NMNAT2: variants seen among roughly 807,000 people sequenced by gnomAD.
The protein encoded by NMNAT2 is nicotinamide/nicotinic acid mononucleotide adenylyltransferase 2.
In NMNAT2, 11 loss-of-function variants were observed where a neutral mutation model predicts 41.6. The ratio of observed to expected loss-of-function variants is 0.26; its 90% CI spans 0.17 to 0.44. The LOEUF (loss-of-function observed/expected upper bound fraction) is 0.44, where lower values mean the gene tolerates loss of function less well. Among genes scored for constraint, NMNAT2 ranks in the 20% least tolerant of loss-of-function variants. NMNAT2 has a pLI of 1.00. For synonymous variants in NMNAT2, 148 were observed against 151.2 expected (o/e 0.98, Z 0.16); for missense variants, 288 against 407.7 (o/e 0.71, Z 2.53).
intron 1 of NMNAT2, among the ~76,000 whole-genome samples, chr1:183,294,663 G>A (rs1661634738): frequency 6.6e-6 from 1 of 152,146 alleles, no homozygotes; most frequent in South Asian, 2.1e-4. Context: ...GGTGGCAGGC[G>A]CCTGTAATCC....
chr1:183,397,474 G>C (rs1360981631), intron 1 of NMNAT2, among the ~76,000 whole-genome samples: 1 of 152,176 alleles, frequency 6.6e-6, no homozygotes, highest in Non-Finnish European at 1.5e-5. Flanking sequence ...ATGGAACCAA[G>C]TTGGAAAACA....
At chr1:183,345,601 G>GC (rs928361008) in intron 1 of NMNAT2, among the ~76,000 whole-genome samples, 8 of 152,130 alleles carry the variant, frequency 5.3e-5, no homozygotes, top group East Asian at 3.9e-4. Flanking sequence ...CTTCACAGAG[G>GC]CCCCCCAGCA....
At chr1:183,309,725 T>A (rs988533867) in intron 1 of NMNAT2, among the ~76,000 whole-genome samples, 1 of 152,244 alleles carries the variant, frequency 6.6e-6, no homozygotes, top group African/African-American at 2.4e-5. Flanking sequence ...ATGGCAGCAC[T>A]GTCCCCCCAA....
At position 183,250,730 on chromosome 1, in the gene NMNAT2, G is replaced by C. The variant is rs1174985864; in HGVS notation, c.*1911C>G. 2.6e-5 allele frequency: 4 copies of C among 152,530 alleles called. No homozygotes were observed. The highest frequency in any genetic ancestry group is 4.4e-5 in the Non-Finnish European group (3 of 68,008). The allele number at this position is 152,530 out of a possible 1,614,324, so 9.4% of individuals were successfully genotyped here. A position where few individuals can be genotyped will look rare whatever the true frequency, so the allele number is the denominator to read the frequency against. On this transcript the variant is annotated 3_prime_UTR_variant, in exon 11 of 11. Transcript: ENST00000287713. Reference sequence around the variant, plus strand: ...AGTCAAACACTGATACCCCAAAATAGGATTTTCCTTCCTTCCTCTGAAGAT... The same window carrying C: ...AGTCAAACACTGATACCCCAAAATACGATTTTCCTTCCTTCCTCTGAAGAT...
chr1:183,304,965 T>A, intron 1 of NMNAT2: 1 of 1,057,430 alleles, frequency 9.5e-7, no homozygotes, highest in Non-Finnish European at 1.3e-6. Context: ...ACCTCTCATA[T>A]GCTCCCGCTT....
Position 183,252,405 on chromosome 1 carries a change from T to C in NMNAT2, c.*236A>G. ...CTCCAAGGACTGCACTTCCCCCGAC[T>C]CCCACCCCATTCCCTCACCCACCCC... On this transcript the variant is annotated 3_prime_UTR_variant, in exon 11 of 11. Transcript: ENST00000287713. 1 of 486,492 alleles carries C rather than the reference T, an allele frequency of 2.1e-6. No individual in the cohort carries two copies. The highest frequency in any genetic ancestry group is 3.3e-5 in the Admixed American group (1 of 30,282). 30.1% of individuals were successfully genotyped at this position (486,492 alleles called of 1,614,324 possible).
chr1:183,290,357 ACT>A (rs1282030146), intron 3 of NMNAT2, 151 bp from the exon 4 acceptor site: 2 of 591,382 alleles, frequency 3.4e-6, no homozygotes, highest in Non-Finnish European at 3.0e-6. Flanking sequence ...GGTGTGAAAC[ACT>A]CTTCTGAGCT....
chr1:183,320,912 A>G (rs1662344272), intron 1 of NMNAT2, among the ~76,000 whole-genome samples: 3 of 152,228 alleles, frequency 2.0e-5, no homozygotes, highest in Admixed American at 2.0e-4. Flanking sequence ...GAGAGAAGTC[A>G]TCCCTTTTTA....
intron 1 of NMNAT2, among the ~76,000 whole-genome samples, chr1:183,318,525 G>A (rs563873294): frequency 1.3e-5 from 2 of 152,288 alleles, no homozygotes; most frequent in African/African-American, 4.8e-5. Flanking sequence ...CCTTGAGAAA[G>A]GAAATCCCCC....
At chr1:183,397,381 T>C (rs568032890) in intron 1 of NMNAT2, among the ~76,000 whole-genome samples, 2 of 152,128 alleles carry the variant, frequency 1.3e-5, no homozygotes, top group East Asian at 3.9e-4. Context: ...TAAAAAGAAA[T>C]GAACAAAGCC....
intron 1 of NMNAT2, among the ~76,000 whole-genome samples, chr1:183,306,990 G>A (rs1382536411): frequency 6.6e-6 from 1 of 152,120 alleles, no homozygotes; most frequent in Non-Finnish European, 1.5e-5. Flanking sequence ...TCTATTTCAT[G>A]AGGAAGTGCA....
At chr1:183,302,166 T>G (rs1477925798) in intron 1 of NMNAT2, among the ~76,000 whole-genome samples, 1 of 152,168 alleles carries the variant, frequency 6.6e-6, no homozygotes, top group Non-Finnish European at 1.5e-5. Context: ...CTAACAAACA[T>G]TTAATAAGTG....
chr1:183,344,215 C>T (rs189142464), intron 1 of NMNAT2, among the ~76,000 whole-genome samples: 20 of 152,232 alleles, frequency 1.3e-4, no homozygotes, highest in African/African-American at 3.9e-4. Context: ...GTGCTGAATG[C>T]GATTAATTCT....
chr1:183,343,705 C>T (rs1465253191), intron 1 of NMNAT2, among the ~76,000 whole-genome samples: 1 of 152,106 alleles, frequency 6.6e-6, no homozygotes, highest in Admixed American at 6.5e-5. Context: ...TGTCTACTGG[C>T]CCCCTCCAAT....
rs139904884 is a variant in NMNAT2 at position 183,407,211 on chromosome 1, C to T, written c.85+10972G>A. ...TGAAGTGTCCAGTGGATACTTGACT[C>T]CATATTTTTCACTCCTGCCAAGTTA... On this transcript the variant is annotated intron_variant, in intron 1 of 10. Coordinates refer to ENST00000287713, the MANE Select transcript of NMNAT2 (RefSeq NM_015039.4). Among the ~76,000 whole-genome samples the T allele has an allele frequency of 2.8e-3, 423 of 152,312 alleles. 2 individuals are homozygous for T. Among genetic ancestry groups the T allele is most frequent in the African/African-American group, 9.2e-3 (383 of 41,574 alleles).
chr1:183,355,614 A>G lies in NMNAT2; in HGVS notation c.86-61821T>C, dbSNP rs76147160. ...GCAGACACTTAATAAAATTGTGTTG[A>G]GTGAATGAATTAATAGATGTGCATT... On this transcript the variant is annotated intron_variant, in intron 1 of 10. Coordinates refer to ENST00000287713, the MANE Select transcript of NMNAT2 (RefSeq NM_015039.4). 2.8e-3 allele frequency among the ~76,000 whole-genome samples: 421 copies of G among 152,322 alleles called. 17 individuals are homozygous for G. The East Asian group carries it at 0.072, about 26-fold the overall frequency.
At chr1:183,301,028 G>C (rs1187296888) in intron 1 of NMNAT2, among the ~76,000 whole-genome samples, 1 of 152,212 alleles carries the variant, frequency 6.6e-6, no homozygotes, top group Non-Finnish European at 1.5e-5. Flanking sequence ...TTGTTTAAGT[G>C]CTGAGTCAGA....
chr1:183,309,773 A>G (rs184626144), intron 1 of NMNAT2, among the ~76,000 whole-genome samples: 81 of 152,236 alleles, frequency 5.3e-4, no homozygotes, highest in African/African-American at 1.9e-3. Context: ...AATTACGAAA[A>G]CCTGTACAAA....
Position 183,365,986 on chromosome 1 carries a change from A to G in NMNAT2, c.85+52197T>C, listed in dbSNP as rs142182811. 3.8e-4 allele frequency among the ~76,000 whole-genome samples: 58 copies of G among 152,224 alleles called. 2 individuals are homozygous for G. In the East Asian group the frequency reaches 0.01, roughly 27 times the overall value. On this transcript the variant is annotated intron_variant, in intron 1 of 10. Transcript: ENST00000287713. ...CCAACTTCCTTTCCCTCTCCATCAA[A>G]AATGTTTTATCCTCTTATTTCTTTG...
Sources: allele counts gnomAD v4.1 joint callset (sites outside exome capture counted in the v4.1 genomes callset), GRCh38; gene constraint gnomAD v4.1.1; transcripts MANE v1.5; gene names NCBI Gene and HGNC (gene_info 2026-07-23, HGNC 2026-07-21).